Variants in CCDC7 observed in about 807,000 individuals in gnomAD.
The protein encoded by CCDC7 is coiled-coil domain containing 7.
In CCDC7, 183 loss-of-function variants were observed where a neutral mutation model predicts 196.9. The ratio of observed to expected loss-of-function variants is 0.93; its 90% CI spans 0.82 to 1.05. The LOEUF (loss-of-function observed/expected upper bound fraction) is 1.05. CCDC7 is among the 50% of genes least tolerant of loss of function. The pLI, the probability that CCDC7 is intolerant of heterozygous loss-of-function variation, is 0.00. For missense variants in CCDC7, 1,540 were observed against 1,482.2 expected (o/e 1.04, Z -0.64); for synonymous variants, 525 against 484.6 (o/e 1.08, Z -1.10).
chr10:32,722,367 C>A (rs1346474929), intron 25 of CCDC7, among the ~76,000 whole-genome samples: 1 of 152,128 alleles, frequency 6.6e-6, no homozygotes, highest in Non-Finnish European at 1.5e-5. Flanking sequence ...CAGCGATCTA[C>A]TTCCCAGTGG....
intron 25 of CCDC7, among the ~76,000 whole-genome samples, chr10:32,721,707 G>C (rs1039144787): frequency 2.0e-5 from 3 of 152,092 alleles, no homozygotes; most frequent in Non-Finnish European, 4.4e-5. Flanking sequence ...GAATTCACTT[G>C]GGTTTTAGGT....
chr10:32,551,299 A>G (rs530051662), intron 13 of CCDC7, among the ~76,000 whole-genome samples: 38 of 151,784 alleles, frequency 2.5e-4, no homozygotes, highest in African/African-American at 8.9e-4. Context: ...TTCTTTTCTC[A>G]TTTAGTCTTG....
At chr10:32,643,217 T>C (rs148416326) in intron 20 of CCDC7, among the ~76,000 whole-genome samples, 5,890 of 152,266 alleles carry the variant, frequency 0.039, 120 homozygotes, top group Middle Eastern at 0.051. Context: ...AAAAATTCCA[T>C]ATTTCTGGCA....
intron 18 of CCDC7, among the ~76,000 whole-genome samples, chr10:32,609,759 C>T (rs1411296464): frequency 6.6e-6 from 1 of 152,106 alleles, no homozygotes; most frequent in East Asian, 1.9e-4. Flanking sequence ...ATAGTGAGTT[C>T]TCGCAAGATC....
chr10:32,637,290 A>G (rs1377951913), intron 20 of CCDC7, among the ~76,000 whole-genome samples: 1 of 152,192 alleles, frequency 6.6e-6, no homozygotes, highest in Non-Finnish European at 1.5e-5. Context: ...TGTTTTAGAC[A>G]TGAAGTCCTT....
At chr10:32,536,111 C>T (rs761891317) in intron 11 of CCDC7, among the ~76,000 whole-genome samples, 1 of 152,126 alleles carries the variant, frequency 6.6e-6, no homozygotes, top group Admixed American at 6.6e-5. Flanking sequence ...GAAGTAACCC[C>T]TCCCTCACTT....
At chr10:32,533,543 T>C (rs1285933644) in intron 11 of CCDC7, among the ~76,000 whole-genome samples, 1 of 152,112 alleles carries the variant, frequency 6.6e-6, no homozygotes, top group Admixed American at 6.6e-5. Context: ...TTTATTTTTT[T>C]TCAGATTGAA....
At chr10:32,664,557 T>A (rs763311760) in intron 21 of CCDC7, among the ~76,000 whole-genome samples, 12 of 152,118 alleles carry the variant, frequency 7.9e-5, no homozygotes, top group Non-Finnish European at 1.5e-4. Flanking sequence ...TGAACTTGAC[T>A]TTTTAAAACT....
At chr10:32,812,907 G>T (rs1463121309) in intron 30 of CCDC7, among the ~76,000 whole-genome samples, 1 of 152,108 alleles carries the variant, frequency 6.6e-6, no homozygotes, top group Admixed American at 6.5e-5. Flanking sequence ...TTCCAGTTTT[G>T]AGTCGCTATA....
At chr10:32,564,367 C>G (rs2056382651) in intron 13 of CCDC7, among the ~76,000 whole-genome samples, 1 of 152,132 alleles carries the variant, frequency 6.6e-6, no homozygotes, top group Non-Finnish European at 1.5e-5. Flanking sequence ...TTTATTGTGG[C>G]ACTATTCACA....
Position 32,755,871 on chromosome 10 carries a change from C to T in CCDC7, c.2906-23106C>T, listed in dbSNP as rs192495010. ...CTAAAAACCTTGAAAAAAGATGAGA[C>T]GAATGGCTAACTAGAATAAACAGTG... is the stretch of plus-strand genomic sequence containing the variant. On this transcript the variant is annotated intron_variant, in intron 28 of 41. Coordinates refer to ENST00000639629, the Ensembl canonical transcript of CCDC7. 4.9e-4 allele frequency among the ~76,000 whole-genome samples: 74 copies of T among 152,154 alleles called. No individual in the cohort carries two copies. The Middle Eastern group carries it at 0.014, about 28-fold the overall frequency.
rs183646352 is a variant in CCDC7, at chr10:32,758,049, G to A, written c.2906-20928G>A. ...CATACACCCGCCCAAGACTAAACCA[G>A]GAAGAAGTTGAATCCCTGAATAGAC... On this transcript the variant is annotated intron_variant, in intron 28 of 41. Coordinates refer to ENST00000639629, the Ensembl canonical transcript of CCDC7. Among the ~76,000 whole-genome samples, 51 of 152,238 alleles carry A rather than the reference G, an allele frequency of 3.4e-4. No individual in the cohort carries two copies. The East Asian group carries it at 9.1e-3, about 27-fold the overall frequency.
chr10:32,452,035 T>G, intron 1 of CCDC7, 114 bp downstream of exon 2: 5 of 1,372,432 alleles, frequency 3.6e-6, no homozygotes, highest in Non-Finnish European at 4.8e-6. Context: ...GGCTAAGATT[T>G]ATTACAGTAG....
At chr10:32,482,229 T>C (rs1239201091) in intron 8 of CCDC7, among the ~76,000 whole-genome samples, 2 of 152,002 alleles carry the variant, frequency 1.3e-5, no homozygotes, top group African/African-American at 4.8e-5. Flanking sequence ...TTAGAGGAGA[T>C]AACTGCAGAT....
chr10:32,828,540 GA>G (rs2091716778), intron 32 of CCDC7, among the ~76,000 whole-genome samples: 1 of 149,476 alleles, frequency 6.7e-6, no homozygotes, highest in Admixed American at 6.7e-5. Context: ...AGAAGAAGAA[GA>G]AGAAGAAGAA....
chr10:32,857,014 G>A (rs2093779843), intron 41 of CCDC7, among the ~76,000 whole-genome samples: 1 of 152,150 alleles, frequency 6.6e-6, no homozygotes, highest in Non-Finnish European at 1.5e-5. Flanking sequence ...CCTGTTCCCT[G>A]TAACACAGCA....
intron 15 of CCDC7, among the ~76,000 whole-genome samples, chr10:32,569,128 C>G (rs1489086313): frequency 6.6e-6 from 1 of 152,114 alleles, no homozygotes; most frequent in Non-Finnish European, 1.5e-5. Flanking sequence ...TCAATACACA[C>G]CTGTCTTCTT....
intron 28 of CCDC7, among the ~76,000 whole-genome samples, chr10:32,732,911 G>T (rs925626940): frequency 6.6e-6 from 1 of 151,964 alleles, no homozygotes; most frequent in Admixed American, 6.6e-5. Flanking sequence ...TTATAGCTTA[G>T]CTGTATTATA....
chr10:32,797,340 G>A (rs919900812), intron 29 of CCDC7, among the ~76,000 whole-genome samples: 1 of 151,458 alleles, frequency 6.6e-6, no homozygotes, highest in Non-Finnish European at 1.5e-5. Flanking sequence ...GCCACAAAAA[G>A]GAATGAATTG....
Sources: allele counts gnomAD v4.1 joint callset (sites outside exome capture counted in the v4.1 genomes callset), GRCh38; gene constraint gnomAD v4.1.1; transcripts MANE v1.5; gene names NCBI Gene and HGNC (gene_info 2026-07-23, HGNC 2026-07-21).